Variants in FAM186A observed in about 807,000 individuals in gnomAD.
The protein encoded by FAM186A is protein FAM186A.
In FAM186A, 163 loss-of-function variants were observed where a neutral mutation model predicts 216.8. That is an observed-to-expected ratio of 0.75 (90% CI 0.66 to 0.86). The LOEUF (loss-of-function observed/expected upper bound fraction) is 0.86, where lower values mean the gene tolerates loss of function less well. Among genes scored for constraint, FAM186A ranks in the 40% least tolerant of loss-of-function variants. The probability of loss-of-function intolerance (pLI) is 0.00; values close to 1 mark genes in which losing one functional copy is unlikely to be tolerated. For synonymous variants in FAM186A, 805 were observed against 1,025.3 expected (o/e 0.79, Z 4.10); for missense variants, 2,184 against 2,746.2 (o/e 0.80, Z 4.58).
At chr12:50,389,604 C>T (rs1943339167) in intron 1 of FAM186A, among the ~76,000 whole-genome samples, 1 of 152,314 alleles carries the variant, frequency 6.6e-6, no homozygotes, top group East Asian at 1.9e-4. Flanking sequence ...TATCGCTGGC[C>T]TTCCCAGATA....
intron 4 of FAM186A, among the ~76,000 whole-genome samples, chr12:50,335,306 G>T (rs910576816): frequency 3.8e-4 from 58 of 152,168 alleles, no homozygotes; most frequent in African/African-American, 1.4e-3. Flanking sequence ...TACCTTAGGG[G>T]ATAAGATAGA....
At chr12:50,387,517 G>A (rs1943315141) in intron 1 of FAM186A, among the ~76,000 whole-genome samples, 1 of 152,180 alleles carries the variant, frequency 6.6e-6, no homozygotes, top group South Asian at 2.1e-4. Flanking sequence ...TCTTCCCAGA[G>A]GAAAAGACCG....
At chr12:50,383,894 C>T (rs1481679450) in intron 1 of FAM186A, among the ~76,000 whole-genome samples, 1 of 151,948 alleles carries the variant, frequency 6.6e-6, no homozygotes, top group Non-Finnish European at 1.5e-5. Context: ...CCGAGGCAGG[C>T]GGATCACGAA....
intron 3 of FAM186A, among the ~76,000 whole-genome samples, chr12:50,360,058 A>G (rs1194906597): frequency 1.3e-5 from 2 of 152,026 alleles, no homozygotes; most frequent in African/African-American, 4.8e-5. Flanking sequence ...TCTGGCCAAC[A>G]TGGTAAAATC....
intron 1 of FAM186A, among the ~76,000 whole-genome samples, chr12:50,367,251 C>A (rs1943098384): frequency 6.6e-6 from 1 of 151,726 alleles, no homozygotes; most frequent in East Asian, 2.0e-4. Flanking sequence ...AGACACGGTG[C>A]CTCACGCCTG....
chr12:50,373,844 A>G (rs902779947), intron 1 of FAM186A, among the ~76,000 whole-genome samples: 5 of 152,014 alleles, frequency 3.3e-5, no homozygotes, highest in African/African-American at 1.2e-4. Context: ...ATAAAGACAC[A>G]TGCACACGTA....
intron 1 of FAM186A, among the ~76,000 whole-genome samples, chr12:50,383,497 G>C (rs1411109506): frequency 7.2e-5 from 11 of 151,998 alleles, no homozygotes; most frequent in Admixed American, 6.6e-5. Flanking sequence ...TTGGGAGGCT[G>C]AGGCAGAAGA....
In FAM186A at chr12:50,350,350, T is replaced by C; in HGVS notation, c.6482A>G (p.Tyr2161Cys). The C allele has an allele frequency of 5.8e-6, 9 of 1,549,538 alleles. No individual in the cohort carries two copies. The highest frequency in any genetic ancestry group is 7.9e-6 in the Non-Finnish European group (9 of 1,145,736). ...CTACCTGGCATGCTGGATCAGCCTA[T>C]AGGCAATGTACTTGCGGAATAAGTA... ...LGYLFRKYIA[Y>C]RLIQHARNNI... The change falls in exon 4 of 8, where the codon TAT becomes TGT. Residue 2161 changes from tyrosine (Y) to cysteine (C), a missense_variant. This residue lies in a region of FAM186A where 721 missense variants were observed against 816.4 expected (regional missense o/e 0.88). Transcript: ENST00000327337.
intron 1 of FAM186A, among the ~76,000 whole-genome samples, chr12:50,386,528 ATGT>A (rs1484419073): frequency 2.6e-5 from 4 of 152,122 alleles, no homozygotes; most frequent in African/African-American, 9.7e-5. Flanking sequence ...TCAAAACATA[ATGT>A]TGTACACCAC....
intron 4 of FAM186A, among the ~76,000 whole-genome samples, chr12:50,337,874 G>A (rs532218095): frequency 6.6e-6 from 1 of 150,830 alleles, no homozygotes; most frequent in South Asian, 2.1e-4. Context: ...CCAGCCTGGC[G>A]ACAGAGCAAG....
At chr12:50,360,269 ATAAATT>A (rs1943020281) in intron 3 of FAM186A, among the ~76,000 whole-genome samples, 2 of 151,470 alleles carry the variant, frequency 1.3e-5, no homozygotes, top group Admixed American at 6.6e-5. Flanking sequence ...AAATTAATAA[ATAAATT>A]TAAAATAAAT....
chr12:50,354,831 A>G lies in FAM186A; in HGVS notation c.2001T>C (p.Ser667=). 6.5e-7 allele frequency: 1 copy of G among 1,543,468 alleles called. No homozygotes were observed. Among genetic ancestry groups the G allele is most frequent in the East Asian group, 2.4e-5 (1 of 40,888 alleles). Residue 667 remains serine (S), a synonymous_variant, in exon 4 of 8, where the codon AGT becomes AGC. Coordinates refer to ENST00000327337, the MANE Select transcript of FAM186A (RefSeq NM_001145475.3). ...LESPDGKSEQ[S]NLEEFQEAIM... is the part of the protein sequence containing the mutation. ...TGGCTTCCTGAAATTCTTCGAGGTT[A>G]CTCTGTTCACTTTTGCCATCTGGAC... is the stretch of plus-strand genomic sequence containing the variant.
At position 50,343,836 on chromosome 12, in the gene FAM186A, T is replaced by C. The variant is rs181314632; in HGVS notation, c.6503+6493A>G. Among the ~76,000 whole-genome samples the C allele has an allele frequency of 2.0e-3, 299 of 152,068 alleles. 1 individual carries two copies. The highest frequency in any genetic ancestry group is 6.5e-3 in the African/African-American group (270 of 41,494). Reference sequence around the variant, plus strand: ...GGTTTCACTGTGTTAGCCAGGATAGTCCTCATTCTCCTGACCTCGTGATCT... The same window carrying C: ...GGTTTCACTGTGTTAGCCAGGATAGCCCTCATTCTCCTGACCTCGTGATCT... On this transcript the variant is annotated intron_variant, in intron 4 of 7. Coordinates refer to ENST00000327337, the MANE Select transcript of FAM186A (RefSeq NM_001145475.3).
Position 50,354,198 on chromosome 12 carries a change from CTGT to C in FAM186A, c.2631_2633del (p.Gln878del). On this transcript the variant is annotated inframe_deletion, in exon 4 of 8. Coordinates refer to ENST00000327337, the MANE Select transcript of FAM186A (RefSeq NM_001145475.3). ...CTTCTTCCTGCCACTGTTTCTGGCT[CTGT>C]TGTTCTTGCTTTCCCTCCTTCATCT... 6.4e-7 allele frequency: 1 copy of C among 1,551,670 alleles called. No homozygotes were observed. The highest frequency in any genetic ancestry group is 8.7e-7 in the Non-Finnish European group (1 of 1,146,992).
rs1019506290 is a variant in FAM186A, at chr12:50,366,105, G to A, written c.193-2741C>T. The A allele has an allele frequency of 3.5e-5, 23 of 654,600 alleles. No individual in the cohort carries two copies. In the East Asian group the frequency reaches 4.1e-4, roughly 12 times the overall value. 40.5% of individuals were successfully genotyped at this position (654,600 alleles called of 1,614,324 possible). On this transcript the variant is annotated intron_variant, in intron 1 of 7. Transcript: ENST00000327337. ...GTAGGAATAAAGTAATCTTATATAC[G>A]AGCTTTGATTAATACTTGAAACAAA...
intron 1 of FAM186A, among the ~76,000 whole-genome samples, chr12:50,387,105 T>G (rs1943311732): frequency 6.6e-6 from 1 of 152,068 alleles, no homozygotes; most frequent in African/African-American, 2.4e-5. Flanking sequence ...GTCTTTTATT[T>G]CAATTCAGAC....
At chr12:50,344,790 G>C (rs1181748261) in intron 4 of FAM186A, among the ~76,000 whole-genome samples, 1 of 151,994 alleles carries the variant, frequency 6.6e-6, no homozygotes, top group Non-Finnish European at 1.5e-5. Flanking sequence ...AACATAGTAA[G>C]ACCCTATCCC....
intron 5 of FAM186A, among the ~76,000 whole-genome samples, chr12:50,332,037 C>G (rs1942661931): frequency 6.6e-6 from 1 of 152,120 alleles, no homozygotes; most frequent in Admixed American, 6.6e-5. Context: ...AAGTCCTGGT[C>G]CTCTTATTTT....
At position 50,379,078 on chromosome 12, in the gene FAM186A, G is replaced by T. The variant is rs984321225; in HGVS notation, c.193-15714C>A. 8.5e-5 allele frequency among the ~76,000 whole-genome samples: 13 copies of T among 152,130 alleles called. 1 individual carries two copies. Among genetic ancestry groups the T allele is most frequent in the Non-Finnish European group, 1.6e-4 (11 of 68,022 alleles). On this transcript the variant is annotated intron_variant, in intron 1 of 7. Coordinates refer to ENST00000327337, the MANE Select transcript of FAM186A (RefSeq NM_001145475.3). ...CCAGCACTTTGAGAGGCCGAGGCAGGCAGATCACCTGAGTTTAGGAGTTTG... is the reference window on the plus strand; with the variant it reads ...CCAGCACTTTGAGAGGCCGAGGCAGTCAGATCACCTGAGTTTAGGAGTTTG...
Sources: gnomAD v4.1 joint callset for allele counts (sites outside exome capture counted in the v4.1 genomes callset) on GRCh38, gnomAD v4.1.1 for gene constraint, gnomAD v4.1.1 regional missense constraint, MANE v1.5 for transcripts, NCBI Gene and HGNC (gene_info 2026-07-23, HGNC 2026-07-21) for gene names.